The following WWOX variants were observed in gnomAD, a reference collection of about 807,000 sequenced individuals.
WWOX encodes WW domain containing oxidoreductase, also known as WW domain-containing oxidoreductase.
In WWOX, 69 loss-of-function variants were observed where a neutral mutation model predicts 46.2. The observed-to-expected ratio is 1.49, with a 90% confidence interval of 1.23 to 1.82. The LOEUF (loss-of-function observed/expected upper bound fraction) is 1.82. Ranked by LOEUF, WWOX falls within the 40% of genes most tolerant of loss-of-function variation. The probability of loss-of-function intolerance (pLI) is 0.00; values close to 1 mark genes in which losing one functional copy is unlikely to be tolerated. For synonymous variants in WWOX, 359 were observed against 202.6 expected (o/e 1.77, Z -6.56); for missense variants, 919 against 542.6 (o/e 1.69, Z -6.89).
Position 78,432,763 on chromosome 16 carries a change from A to G in WWOX, c.1056+11A>G, listed in dbSNP as rs2083256055. 1 of 1,613,992 alleles carries G rather than the reference A, an allele frequency of 6.2e-7. No individual in the cohort carries two copies. Among genetic ancestry groups the G allele is most frequent in the Middle Eastern group, 1.6e-4 (1 of 6,080 alleles). On this transcript the variant is annotated intron_variant, in intron 8 of 8. Coordinates refer to ENST00000566780, the MANE Select transcript of WWOX (RefSeq NM_016373.4). ...TTCACCAAGTCCATGGTAAGAGAAC[A>G]GCTTCTGGCGCCGCAAACACCTTGG... is the stretch of plus-strand genomic sequence containing the variant.
intron 8 of WWOX, among the ~76,000 whole-genome samples, chr16:78,477,503 A>G (rs1049984883): frequency 6.6e-6 from 1 of 152,288 alleles, no homozygotes; most frequent in South Asian, 2.1e-4. Context: ...CTTAAAACTA[A>G]CTGGAAAAAT....
chr16:78,406,035 C>G (rs2082523195), intron 6 of WWOX, among the ~76,000 whole-genome samples: 1 of 152,096 alleles, frequency 6.6e-6, no homozygotes, highest in South Asian at 2.1e-4. Flanking sequence ...AATAGAATGA[C>G]TAACATTTTC....
chr16:78,853,867 G>T lies in WWOX; in HGVS notation c.1057-357741G>T, dbSNP rs191434645. On this transcript the variant is annotated intron_variant, in intron 8 of 8. Transcript: ENST00000566780. ...TAGATCTTCAGGTAAAATGGATGCT[G>T]ACTGTCTGTCTGTCATATGAAGATT... Among the ~76,000 whole-genome samples the T allele has an allele frequency of 1.6e-3, 251 of 152,222 alleles. 1 individual carries two copies. Among genetic ancestry groups the T allele is most frequent in the East Asian group, 0.016 (84 of 5,158 alleles).
intron 8 of WWOX, among the ~76,000 whole-genome samples, chr16:78,578,878 G>C (rs2044974554): frequency 6.6e-6 from 1 of 152,172 alleles, no homozygotes; most frequent in Non-Finnish European, 1.5e-5. Flanking sequence ...TAATGGGAAA[G>C]GTGCATCTCT....
chr16:78,824,014 A>G (rs990126062), intron 8 of WWOX, among the ~76,000 whole-genome samples: 5 of 152,046 alleles, frequency 3.3e-5, no homozygotes, highest in Non-Finnish European at 5.9e-5. Context: ...CCTCAAAGCA[A>G]TCCTCCTGCC....
At position 79,077,095 on chromosome 16, in the gene WWOX, C is replaced by T. The variant is rs549604023; in HGVS notation, c.1057-134513C>T. On this transcript the variant is annotated intron_variant, in intron 8 of 8. Transcript: ENST00000566780. The stretch of plus-strand genomic sequence containing the variant: ...TCCAGGTCTCATAGCAAAAAGGTGG[C>T]CGGATGAGGATTTGAACCCACTGCT... Among the ~76,000 whole-genome samples, 8 of 152,240 alleles carry T rather than the reference C, an allele frequency of 5.3e-5. No homozygotes were observed. The East Asian group carries it at 1.5e-3, about 29-fold the overall frequency.
chr16:78,988,929 C>G (rs2046832316), intron 8 of WWOX, among the ~76,000 whole-genome samples: 1 of 152,138 alleles, frequency 6.6e-6, no homozygotes, highest in South Asian at 2.1e-4. Context: ...TTCTTTTCAG[C>G]TTTGTTGGAA....
chr16:78,988,481 C>G (rs1267173400), intron 8 of WWOX, among the ~76,000 whole-genome samples: 1 of 152,040 alleles, frequency 6.6e-6, no homozygotes, highest in Non-Finnish European at 1.5e-5. Context: ...GGAGAAGACT[C>G]CTTGGAAGGA....
chr16:78,639,200 G>A (rs778983560), intron 8 of WWOX, among the ~76,000 whole-genome samples: 8 of 152,166 alleles, frequency 5.3e-5, no homozygotes, highest in Non-Finnish European at 1.0e-4. Flanking sequence ...GATGTACAAA[G>A]TACTTCTGCA....
intron 4 of WWOX, among the ~76,000 whole-genome samples, chr16:78,127,012 G>A (rs1293989419): frequency 6.6e-6 from 1 of 152,162 alleles, no homozygotes; most frequent in African/African-American, 2.4e-5. Flanking sequence ...TGACAGTTAG[G>A]GCAAGCTTCA....
intron 8 of WWOX, among the ~76,000 whole-genome samples, chr16:78,556,840 T>A (rs753467051): frequency 2.3e-4 from 35 of 152,050 alleles, no homozygotes; most frequent in Admixed American, 1.6e-3. Flanking sequence ...CACCTCAGCC[T>A]CCCAAGTAAC....
chr16:78,691,738 C>T (rs943770042), intron 8 of WWOX, among the ~76,000 whole-genome samples: 1 of 152,092 alleles, frequency 6.6e-6, no homozygotes, highest in African/African-American at 2.4e-5. Flanking sequence ...AGCACTGTCT[C>T]TCTCTACCCT....
chr16:79,055,927 A>T (rs2048253696), intron 8 of WWOX, among the ~76,000 whole-genome samples: 1 of 152,236 alleles, frequency 6.6e-6, no homozygotes, highest in Non-Finnish European at 1.5e-5. Flanking sequence ...AAGGTCTCCC[A>T]GATGTAAATT....
intron 8 of WWOX, among the ~76,000 whole-genome samples, chr16:78,832,758 C>T (rs2051866685): frequency 6.6e-6 from 1 of 152,150 alleles, no homozygotes; most frequent in Non-Finnish European, 1.5e-5. Flanking sequence ...TACAGGCCAG[C>T]AGGTGAGTTG....
At chr16:78,761,016 C>G (rs914962102) in intron 8 of WWOX, among the ~76,000 whole-genome samples, 2 of 152,116 alleles carry the variant, frequency 1.3e-5, no homozygotes, top group African/African-American at 4.8e-5. Context: ...AGGAAAGACC[C>G]TCCCCCATGA....
intron 8 of WWOX, among the ~76,000 whole-genome samples, chr16:78,831,434 A>G (rs1597688748): frequency 6.6e-6 from 1 of 152,252 alleles, no homozygotes; most frequent in East Asian, 1.9e-4. Flanking sequence ...GATGCTTAGC[A>G]GTGAATAAAA....
intron 6 of WWOX, among the ~76,000 whole-genome samples, chr16:78,419,342 AAAAAG>A (rs2082870396): frequency 6.6e-6 from 1 of 152,130 alleles, no homozygotes; most frequent in African/African-American, 2.4e-5. Context: ...AACAAGCTTG[AAAAAG>A]AAGAGTGTTG....
intron 8 of WWOX, among the ~76,000 whole-genome samples, chr16:78,754,941 G>C (rs1206574470): frequency 1.3e-5 from 2 of 151,232 alleles, no homozygotes; most frequent in African/African-American, 4.9e-5. Context: ...AGAGAATGCT[G>C]TCCACAAAGA....
intron 5 of WWOX, among the ~76,000 whole-genome samples, chr16:78,181,186 A>G (rs569087034): frequency 1.1e-3 from 169 of 152,266 alleles, no homozygotes; most frequent in African/African-American, 3.9e-3. Context: ...GAGGAGGGAC[A>G]GAAAGACAGA....
Sources: gnomAD v4.1 joint callset for allele counts (sites outside exome capture counted in the v4.1 genomes callset) on GRCh38, gnomAD v4.1.1 for gene constraint, MANE v1.5 for transcripts, NCBI Gene and HGNC (gene_info 2026-07-23, HGNC 2026-07-21) for gene names.